GPC5: variants seen among roughly 807,000 people sequenced by gnomAD.
GPC5 encodes glypican 5.
GPC5 carries 47 observed loss-of-function variants against 53.9 expected under a neutral mutation model. The ratio of observed to expected loss-of-function variants is 0.87; its 90% CI spans 0.69 to 1.11. The LOEUF is 1.11. Among genes scored for constraint, GPC5 ranks in the 50% most tolerant of loss-of-function variants. The probability of loss-of-function intolerance (pLI) is 0.00; values close to 1 mark genes in which losing one functional copy is unlikely to be tolerated. For synonymous variants in GPC5, 286 were observed against 263.3 expected (o/e 1.09, Z -0.84); for missense variants, 748 against 713.1 (o/e 1.05, Z -0.56).
intron 6 of GPC5, among the ~76,000 whole-genome samples, chr13:91,992,894 T>C (rs561355851): frequency 6.6e-6 from 1 of 152,338 alleles, no homozygotes; most frequent in African/African-American, 2.4e-5. Flanking sequence ...AGGGAACTGT[T>C]TCATTCATGG....
chr13:91,566,928 A>AT (rs1230481999), intron 2 of GPC5, among the ~76,000 whole-genome samples: 1 of 110,606 alleles, frequency 9.0e-6, no homozygotes, highest in Non-Finnish European at 1.8e-5. Context: ...TTTTCTTCCA[A>AT]TTCTTTTTTT....
intron 6 of GPC5, among the ~76,000 whole-genome samples, chr13:91,930,956 G>T (rs1304612070): frequency 6.6e-5 from 10 of 152,010 alleles, no homozygotes; most frequent in African/African-American, 2.4e-4. Flanking sequence ...CCATGATTCA[G>T]AAATTTCTTT....
At chr13:92,780,299 TC>T in intron 7 of GPC5, among the ~76,000 whole-genome samples, 1 of 151,428 alleles carries the variant, frequency 6.6e-6, no homozygotes, top group Non-Finnish European at 1.5e-5. Flanking sequence ...AATTTATATT[TC>T]ACTTAATATA....
At chr13:92,693,953 C>A (rs1280247246) in intron 7 of GPC5, among the ~76,000 whole-genome samples, 1 of 152,204 alleles carries the variant, frequency 6.6e-6, no homozygotes, top group African/African-American at 2.4e-5. Context: ...GCCCAGGGCC[C>A]TGCTACTCTG....
At chr13:91,907,717 A>T (rs1050478771) in intron 5 of GPC5, among the ~76,000 whole-genome samples, 2 of 151,904 alleles carry the variant, frequency 1.3e-5, no homozygotes, top group African/African-American at 4.8e-5. Context: ...GGGTCCATTG[A>T]GTGAATAACA....
intron 6 of GPC5, among the ~76,000 whole-genome samples, chr13:92,010,001 A>G (rs183134722): frequency 1.3e-4 from 20 of 152,346 alleles, no homozygotes; most frequent in African/African-American, 4.8e-4. Flanking sequence ...AGTACTTTGT[A>G]TAGATATAAA....
intron 2 of GPC5, among the ~76,000 whole-genome samples, chr13:91,552,340 T>C (rs941017122): frequency 3.9e-5 from 6 of 152,118 alleles, no homozygotes; most frequent in Admixed American, 1.3e-4. Flanking sequence ...ATTTTATTGT[T>C]ATATCTAACG....
intron 7 of GPC5, among the ~76,000 whole-genome samples, chr13:92,284,806 G>A (rs953842924): frequency 6.6e-6 from 1 of 152,120 alleles, no homozygotes; most frequent in Non-Finnish European, 1.5e-5. Context: ...GCAAAAACTG[G>A]AAGCATTCCC....
intron 7 of GPC5, among the ~76,000 whole-genome samples, chr13:92,781,181 C>T (rs886075595): frequency 4.6e-5 from 7 of 151,950 alleles, no homozygotes; most frequent in Admixed American, 1.3e-4. Context: ...GTAAACATAA[C>T]AAACATTAGG....
At chr13:92,345,783 C>T (rs2043406312) in intron 7 of GPC5, among the ~76,000 whole-genome samples, 2 of 152,102 alleles carry the variant, frequency 1.3e-5, no homozygotes, top group South Asian at 4.1e-4. Context: ...AAGCCCACTT[C>T]AGTCTCAACT....
intron 7 of GPC5, among the ~76,000 whole-genome samples, chr13:92,455,243 T>C (rs1878213694): frequency 6.6e-6 from 1 of 152,172 alleles, no homozygotes; most frequent in Non-Finnish European, 1.5e-5. Context: ...ATAAATAGTA[T>C]ATGCTATGAC....
chr13:91,694,484 G>A (rs747199695), intron 3 of GPC5, among the ~76,000 whole-genome samples: 1 of 152,122 alleles, frequency 6.6e-6, no homozygotes, highest in Non-Finnish European at 1.5e-5. Context: ...GTGTATACAC[G>A]GTCATGGTGT....
chr13:91,497,985 T>A (rs748231319), intron 2 of GPC5, among the ~76,000 whole-genome samples: 22 of 152,172 alleles, frequency 1.4e-4, no homozygotes, highest in Non-Finnish European at 3.1e-4. Context: ...GATTTTAATG[T>A]AAAGATTTAT....
At chr13:92,567,792 C>T (rs1021691498) in intron 7 of GPC5, among the ~76,000 whole-genome samples, 3 of 152,082 alleles carry the variant, frequency 2.0e-5, no homozygotes, top group Admixed American at 6.6e-5. Flanking sequence ...TTGTGTTGGC[C>T]TCGTGACCTA....
intron 7 of GPC5, among the ~76,000 whole-genome samples, chr13:92,693,040 G>T (rs914499340): frequency 2.6e-5 from 4 of 152,020 alleles, no homozygotes; most frequent in Admixed American, 2.6e-4. Context: ...GTGTTTGGCA[G>T]TTCCTAGCTC....
chr13:92,308,271 G>A (rs1027884377), intron 7 of GPC5, among the ~76,000 whole-genome samples: 18 of 152,046 alleles, frequency 1.2e-4, no homozygotes, highest in African/African-American at 4.3e-4. Context: ...TTAATTTAGG[G>A]AATGTGCTTG....
intron 7 of GPC5, among the ~76,000 whole-genome samples, chr13:92,494,325 G>A (rs927011432): frequency 2.0e-5 from 3 of 152,194 alleles, no homozygotes; most frequent in South Asian, 4.1e-4. Context: ...TCCTGACCTC[G>A]TGATCCGCCT....
At chr13:92,392,036 T>C (rs1875028297) in intron 7 of GPC5, among the ~76,000 whole-genome samples, 1 of 152,214 alleles carries the variant, frequency 6.6e-6, no homozygotes, top group Non-Finnish European at 1.5e-5. Context: ...AGAGCAGATA[T>C]GTGGCCTGTT....
intron 3 of GPC5, among the ~76,000 whole-genome samples, chr13:91,713,016 C>T (rs2036261209): frequency 6.6e-6 from 1 of 152,054 alleles, no homozygotes; most frequent in Non-Finnish European, 1.5e-5. Flanking sequence ...CATGGTGAAA[C>T]CCAGGCTGTA....
Sources: gnomAD v4.1 joint callset for allele counts (sites outside exome capture counted in the v4.1 genomes callset) on GRCh38, gnomAD v4.1.1 for gene constraint, MANE v1.5 for transcripts, NCBI Gene and HGNC (gene_info 2026-07-23, HGNC 2026-07-21) for gene names.